BPGM: variants seen among roughly 807,000 people sequenced by gnomAD.
The protein encoded by BPGM is 2,3-bisphosphoglycerate mutase, erythrocyte.
Under a neutral mutation model 21.6 loss-of-function variants are expected in BPGM, and 15 were observed. The observed-to-expected ratio is 0.70, with a 90% confidence interval of 0.47 to 1.07. The LOEUF is 1.07. Among genes scored for constraint, BPGM ranks in the 50% least tolerant of loss-of-function variants. The pLI, the probability that BPGM is intolerant of heterozygous loss-of-function variation, is 0.00. For synonymous variants in BPGM, 113 were observed against 116.2 expected (o/e 0.97, Z 0.18); for missense variants, 273 against 319.0 (o/e 0.86, Z 1.10).
At chr7:134,654,650 G>A (rs984464215) in intron 1 of BPGM, among the ~76,000 whole-genome samples, 2 of 152,126 alleles carry the variant, frequency 1.3e-5, no homozygotes, top group African/African-American at 2.4e-5. Flanking sequence ...CTTACAGGTA[G>A]GTAAGAAAAT....
chr7:134,647,426 T>C (rs1224718307), intron 1 of BPGM, among the ~76,000 whole-genome samples: 1 of 152,180 alleles, frequency 6.6e-6, no homozygotes, highest in Non-Finnish European at 1.5e-5. Flanking sequence ...ATGCAGTGTT[T>C]TCATGTAGGA....
chr7:134,661,089 A>G lies in BPGM; in HGVS notation c.-61-358A>G, dbSNP rs1381699420. On this transcript the variant is annotated intron_variant, in intron 1 of 2. Transcript: ENST00000344924. The surrounding 1 kb of genome is among the most constrained non-coding windows in gnomAD (Gnocchi z 4.6). ...TGGGAGCTGGGAGTTCCCAGCCACT[A>G]GTCATTCTTTCAGACGTCTGTAACT... Among the ~76,000 whole-genome samples the G allele has an allele frequency of 1.3e-5, 2 of 152,224 alleles. No homozygotes were observed. Among genetic ancestry groups the G allele is most frequent in the Non-Finnish European group, 2.9e-5 (2 of 68,028 alleles).
At chr7:134,664,636 C>A (rs1422258540) in intron 2 of BPGM, among the ~76,000 whole-genome samples, 2 of 152,134 alleles carry the variant, frequency 1.3e-5, no homozygotes, top group African/African-American at 4.8e-5. Flanking sequence ...CATGTCCACA[C>A]AACAACTTGT....
intron 1 of BPGM, among the ~76,000 whole-genome samples, chr7:134,654,830 T>G (rs534564959): frequency 2.2e-4 from 33 of 152,194 alleles, no homozygotes; most frequent in South Asian, 1.0e-3. Flanking sequence ...TGAGGCACCA[T>G]TTCAGTAGAG....
chr7:134,675,797 T>C (rs375555359), intron 2 of BPGM, among the ~76,000 whole-genome samples: 6 of 152,302 alleles, frequency 3.9e-5, no homozygotes, highest in East Asian at 3.9e-4. Context: ...TTGTATTGAA[T>C]CTGTATGTTA....
chr7:134,671,078 GCA>G (rs1795895908), intron 2 of BPGM, among the ~76,000 whole-genome samples: 1 of 151,966 alleles, frequency 6.6e-6, no homozygotes, highest in African/African-American at 2.4e-5. Flanking sequence ...TCATAGGAGA[GCA>G]CAGTGTTTAA....
At chr7:134,648,121 CTTTT>C (rs1795492230) in intron 1 of BPGM, among the ~76,000 whole-genome samples, 1 of 131,128 alleles carries the variant, frequency 7.6e-6, no homozygotes, top group Non-Finnish European at 1.5e-5. Context: ...TTCTTTCTTT[CTTTT>C]GTTTTGGTTT....
chr7:134,662,593 T>G (rs1286248152), intron 2 of BPGM, among the ~76,000 whole-genome samples: 1 of 152,214 alleles, frequency 6.6e-6, no homozygotes, highest in Non-Finnish European at 1.5e-5. Context: ...GTCAAGTAAA[T>G]TATCTAGACT....
At position 134,661,739 on chromosome 7, in the gene BPGM, T is replaced by C; in HGVS notation, c.232T>C (p.Trp78Arg). ...WLILEELGQE[W>R]VPVESSWRLN... ...GATCCTGGAAGAGCTAGGCCAGGAA[T>C]GGGTGCCTGTGGAAAGCTCCTGGCG... The change falls in exon 2 of 3, where the codon TGG (tryptophan) becomes CGG (arginine). Residue 78 changes from tryptophan (W) to arginine (R), a missense_variant. Physicochemically the swap from Trp to Arg is moderately radical, Grantham distance 101. Coordinates refer to ENST00000344924, the MANE Select transcript of BPGM (RefSeq NM_001724.5). This position sits in a 1 kb window ranked among gnomAD's most constrained non-coding sequence, Gnocchi z 4.6. 1 of 1,614,144 alleles carries C rather than the reference T, an allele frequency of 6.2e-7. No individual in the cohort carries two copies. The highest frequency in any genetic ancestry group is 8.5e-7 in the Non-Finnish European group (1 of 1,180,034).
intron 1 of BPGM, among the ~76,000 whole-genome samples, chr7:134,654,926 G>T (rs1795613839): frequency 6.6e-6 from 1 of 152,062 alleles, no homozygotes; most frequent in South Asian, 2.1e-4. Flanking sequence ...GGGGAGGGAG[G>T]ATAAGATACA....
intron 1 of BPGM, among the ~76,000 whole-genome samples, chr7:134,650,485 A>T (rs1188855658): frequency 6.6e-6 from 1 of 152,224 alleles, no homozygotes; most frequent in African/African-American, 2.4e-5. Context: ...CTGTAAAATG[A>T]TGTTCTTATA....
Position 134,661,297 on chromosome 7 carries a change from C to G in BPGM, c.-61-150C>G. Reference sequence around the variant, plus strand: ...GAATTATTAATATCTATAGAATATGCCTGTATGTGTCACAGTGTATGAGTT... The same window carrying G: ...GAATTATTAATATCTATAGAATATGGCTGTATGTGTCACAGTGTATGAGTT... On this transcript the variant is annotated intron_variant, in intron 1 of 2. Coordinates refer to ENST00000344924, the MANE Select transcript of BPGM (RefSeq NM_001724.5). The surrounding 1 kb of genome is among the most constrained non-coding windows in gnomAD (Gnocchi z 4.6). The G allele has an allele frequency of 1.6e-6, 1 of 616,484 alleles. No individual in the cohort carries two copies. The highest frequency in any genetic ancestry group is 2.8e-6 in the Non-Finnish European group (1 of 361,640). 38.2% of individuals were successfully genotyped at this position (616,484 alleles called of 1,614,324 possible).
chr7:134,664,161 C>T (rs1317017703), intron 2 of BPGM, among the ~76,000 whole-genome samples: 3 of 152,092 alleles, frequency 2.0e-5, no homozygotes, highest in Admixed American at 1.3e-4. Context: ...TCCAGCAATC[C>T]CACGCCTACC....
Position 134,679,246 on chromosome 7 carries a change from C to T in BPGM, c.*215C>T. ...CTTATGAGTTAGCTTTCTTGCTAGC[C>T]CCCTAGTCGGTCACCAAACTAGTAA... On this transcript the variant is annotated 3_prime_UTR_variant, in exon 3 of 3. Transcript: ENST00000344924. 1 of 574,100 alleles carries T rather than the reference C, an allele frequency of 1.7e-6. No homozygotes were observed. Among genetic ancestry groups the T allele is most frequent in the Admixed American group, 3.1e-5 (1 of 31,778 alleles). The allele number at this position is 574,100 out of a possible 1,614,324, so 35.6% of individuals were successfully genotyped here. A position where few individuals can be genotyped will look rare whatever the true frequency, so the allele number is the denominator to read the frequency against.
chr7:134,662,210 TCTATCC>T, intron 2 of BPGM, 102 bp downstream of exon 2: 1 of 1,445,196 alleles, frequency 6.9e-7, no homozygotes, highest in East Asian at 2.3e-5. Flanking sequence ...AATAGACTCC[TCTATCC>T]CCCTTTGTCA....
Position 134,661,971 on chromosome 7 carries a change from C to G in BPGM, c.464C>G (p.Ser155Trp). 1 of 1,614,072 alleles carries G rather than the reference C, an allele frequency of 6.2e-7. No homozygotes were observed. The highest frequency in any genetic ancestry group is 8.5e-7 in the Non-Finnish European group (1 of 1,180,034). ...GTGCCCTTGGATCAACTGCCACGGTCGGAAAGCTTAAAGGATGTTCTGGAG... is the reference window on the plus strand; with the variant it reads ...GTGCCCTTGGATCAACTGCCACGGTGGGAAAGCTTAAAGGATGTTCTGGAG... ...CDVPLDQLPR[S>W]ESLKDVLERL... Residue 155 changes from serine to tryptophan, a missense_variant, in exon 2 of 3, where the codon TCG becomes TGG. Ser to Trp is a radical substitution (Grantham distance 177). Transcript: ENST00000344924. The surrounding 1 kb of genome is among the most constrained non-coding windows in gnomAD (Gnocchi z 4.6).
intron 2 of BPGM, among the ~76,000 whole-genome samples, chr7:134,664,001 T>C (rs1197554137): frequency 6.6e-6 from 1 of 152,172 alleles, no homozygotes; most frequent in Non-Finnish European, 1.5e-5. Context: ...AGAGGTTGTG[T>C]TTAGACATAG....
At chr7:134,670,895 C>G (rs1795893578) in intron 2 of BPGM, among the ~76,000 whole-genome samples, 1 of 152,122 alleles carries the variant, frequency 6.6e-6, no homozygotes, top group Admixed American at 6.6e-5. Context: ...TTCTGTCTCT[C>G]TGACCATCTC....
intron 2 of BPGM, among the ~76,000 whole-genome samples, chr7:134,677,248 T>C (rs1325552524): frequency 2.6e-5 from 4 of 151,620 alleles, no homozygotes; most frequent in Non-Finnish European, 5.9e-5. Flanking sequence ...GAGTGTGTGT[T>C]TCTTTTCTTT....
Sources: allele counts gnomAD v4.1 joint callset (sites outside exome capture counted in the v4.1 genomes callset), GRCh38; gene constraint gnomAD v4.1.1; non-coding constraint Gnocchi (gnomAD v3.1); transcripts MANE v1.5; gene names NCBI Gene and HGNC (gene_info 2026-07-23, HGNC 2026-07-21).